Variants in BORCS5 observed in about 807,000 individuals in gnomAD.
BORCS5 encodes the protein BLOC-1 related complex subunit 5, also known as BLOC-1-related complex subunit 5.
In BORCS5, 17 loss-of-function variants were observed where a neutral mutation model predicts 22.1. That is an observed-to-expected ratio of 0.77 (90% CI 0.53 to 1.15). BORCS5 has a LOEUF of 1.15. BORCS5 is among the 50% of genes most tolerant of loss of function. The pLI is 0.00. For synonymous variants in BORCS5, 117 were observed against 99.8 expected, an observed-to-expected ratio of 1.17 and a Z score of -1.03; for missense variants, 247 against 253.2, an observed-to-expected ratio of 0.98 and a Z score of 0.17.
chr12:12,392,124 A>T (rs1410021281), intron 2 of BORCS5, among the ~76,000 whole-genome samples: 1 of 151,700 alleles, frequency 6.6e-6, no homozygotes, highest in Non-Finnish European at 1.5e-5. Flanking sequence ...TGTTTAAGTT[A>T]AAGGGATTTC....
chr12:12,446,505 G>A (rs1268944138), intron 3 of BORCS5, among the ~76,000 whole-genome samples: 1 of 152,150 alleles, frequency 6.6e-6, no homozygotes, highest in Non-Finnish European at 1.5e-5. Context: ...GTGTTTATCT[G>A]AATGTTCTGA....
At chr12:12,384,956 G>C (rs760794593) in intron 2 of BORCS5, among the ~76,000 whole-genome samples, 7 of 151,186 alleles carry the variant, frequency 4.6e-5, no homozygotes, top group Non-Finnish European at 1.0e-4. Flanking sequence ...TTTCCTAGGG[G>C]TTGTCCATAT....
In BORCS5 at chr12:12,357,166, G is replaced by C; in HGVS notation, c.-286G>C. The C allele has an allele frequency of 1.3e-6, 2 of 1,530,502 alleles. No homozygotes were observed. Among genetic ancestry groups the C allele is most frequent in the Non-Finnish European group, 8.7e-7 (1 of 1,144,646 alleles). 94.8% of individuals were successfully genotyped at this position (1,530,502 alleles called of 1,614,324 possible). A position where few individuals can be genotyped will look rare whatever the true frequency, so the allele number is the denominator to read the frequency against. The stretch of plus-strand genomic sequence containing the variant: ...GCCGGCCGCAGGTGCGGCAAAGCCA[G>C]TGTCATCTGCCGGTTCTCTTAGGGC... On this transcript the variant is annotated 5_prime_UTR_variant, in exon 1 of 4. Transcript: ENST00000314565.
chr12:12,363,132 C>A (rs965093556), intron 2 of BORCS5, among the ~76,000 whole-genome samples: 1 of 151,660 alleles, frequency 6.6e-6, no homozygotes, highest in Non-Finnish European at 1.5e-5. Context: ...TCTGTCTCAA[C>A]AGATAATACA....
chr12:12,358,310 G>A (rs1441314525), intron 1 of BORCS5, among the ~76,000 whole-genome samples: 1 of 152,174 alleles, frequency 6.6e-6, no homozygotes, highest in African/African-American at 2.4e-5. Context: ...GAAGTTCTCT[G>A]TTCTTGATAG....
At chr12:12,414,279 C>T (rs1369934951) in intron 2 of BORCS5, among the ~76,000 whole-genome samples, 1 of 62,396 alleles carries the variant, frequency 1.6e-5, no homozygotes, top group Non-Finnish European at 3.3e-5. Context: ...CCAGTAGGGG[C>T]GGCCAGGCAG....
intron 3 of BORCS5, among the ~76,000 whole-genome samples, chr12:12,460,319 G>T (rs941287633): frequency 2.0e-5 from 3 of 152,132 alleles, no homozygotes; most frequent in Non-Finnish European, 4.4e-5. Context: ...TCATTGTTAT[G>T]TAGAAATACA....
At chr12:12,384,284 C>T (rs1396618260) in intron 2 of BORCS5, among the ~76,000 whole-genome samples, 2 of 150,352 alleles carry the variant, frequency 1.3e-5, no homozygotes, top group Non-Finnish European at 3.0e-5. Flanking sequence ...GCCTGGCCTG[C>T]TTTTTAAAAT....
At chr12:12,425,792 T>C (rs889269012) in intron 2 of BORCS5, among the ~76,000 whole-genome samples, 1 of 152,224 alleles carries the variant, frequency 6.6e-6, no homozygotes, top group African/African-American at 2.4e-5. Context: ...TCTTTGCTAT[T>C]TCCTACAGTG....
At position 12,400,063 on chromosome 12, in the gene BORCS5, C is replaced by T. The variant is rs539908583; in HGVS notation, c.203-35565C>T. 1.1e-4 allele frequency among the ~76,000 whole-genome samples: 16 copies of T among 152,336 alleles called. No individual in the cohort carries two copies. In the South Asian group the frequency reaches 3.1e-3, roughly 30 times the overall value. On this transcript the variant is annotated intron_variant, in intron 2 of 3. Coordinates refer to ENST00000314565, the MANE Select transcript of BORCS5 (RefSeq NM_058169.6). ...AACAAATCCCACTAATCTTTGTTGT[C>T]AGTCACTACTTAGAACCTTGGCTTC...
intron 2 of BORCS5, among the ~76,000 whole-genome samples, chr12:12,408,270 A>G (rs1166025628): frequency 6.6e-6 from 1 of 152,170 alleles, no homozygotes; most frequent in Non-Finnish European, 1.5e-5. Context: ...TTGATACATA[A>G]ATATCTGTAT....
chr12:12,382,785 G>A (rs1037917534), intron 2 of BORCS5, among the ~76,000 whole-genome samples: 3 of 151,170 alleles, frequency 2.0e-5, no homozygotes, highest in East Asian at 1.9e-4. Flanking sequence ...CACCTGCCTC[G>A]GCCTCCCAGA....
In BORCS5 at chr12:12,361,352, A is replaced by G. The variant is rs1435544808; in HGVS notation, c.202+3A>G. ...AACCTTCCAGCCCCTTTTGAAAGGT[A>G]AAGGATTGCGTTTTGTTTTATCTGA... On this transcript the variant is annotated splice_donor_region_variant and intron_variant, in intron 2 of 3. Coordinates refer to ENST00000314565, the MANE Select transcript of BORCS5 (RefSeq NM_058169.6). The G allele has an allele frequency of 6.2e-7, 1 of 1,613,032 alleles. No individual in the cohort carries two copies. Among genetic ancestry groups the G allele is most frequent in the Non-Finnish European group, 8.5e-7 (1 of 1,179,168 alleles).
At chr12:12,402,285 C>T (rs889748752) in intron 2 of BORCS5, among the ~76,000 whole-genome samples, 2 of 152,050 alleles carry the variant, frequency 1.3e-5, no homozygotes, top group Non-Finnish European at 2.9e-5. Context: ...CTGATAAAAG[C>T]AGGGCATCAA....
chr12:12,364,142 G>A (rs1251922500), intron 2 of BORCS5, among the ~76,000 whole-genome samples: 1 of 152,042 alleles, frequency 6.6e-6, no homozygotes, highest in Non-Finnish European at 1.5e-5. Context: ...TTGGGAGGCC[G>A]AGGAGGATGG....
chr12:12,381,681 G>C (rs1216116193), intron 2 of BORCS5, among the ~76,000 whole-genome samples: 2 of 151,250 alleles, frequency 1.3e-5, no homozygotes, highest in African/African-American at 4.9e-5. Flanking sequence ...TTTACATTTA[G>C]GTCTGCGATC....
intron 2 of BORCS5, among the ~76,000 whole-genome samples, chr12:12,405,365 A>T (rs1186661037): frequency 2.0e-5 from 3 of 152,210 alleles, no homozygotes; most frequent in Non-Finnish European, 4.4e-5. Context: ...GTGACTCTAG[A>T]GCTTTCATGG....
intron 2 of BORCS5, among the ~76,000 whole-genome samples, chr12:12,371,653 A>T (rs1863531816): frequency 6.6e-6 from 1 of 152,066 alleles, no homozygotes; most frequent in African/African-American, 2.4e-5. Context: ...ATGTTCTTTG[A>T]TCTGCAGGTT....
chr12:12,436,297 G>A (rs184699836), intron 3 of BORCS5, among the ~76,000 whole-genome samples: 108 of 152,230 alleles, frequency 7.1e-4, no homozygotes, highest in African/African-American at 2.5e-3. Flanking sequence ...TATTTAACCC[G>A]CAAAGTTTTT....
Sources: allele counts gnomAD v4.1 joint callset (sites outside exome capture counted in the v4.1 genomes callset), GRCh38; gene constraint gnomAD v4.1.1; transcripts MANE v1.5; gene names NCBI Gene and HGNC (gene_info 2026-07-23, HGNC 2026-07-21).